The following EDAR variants were observed in gnomAD, a reference collection of about 807,000 sequenced individuals.
EDAR encodes ectodysplasin A receptor.
A neutral mutation model predicts 51.3 loss-of-function variants in EDAR; 38 were observed. The observed-to-expected ratio is 0.74, with a 90% CI of 0.57 to 0.97. The LOEUF (loss-of-function observed/expected upper bound fraction) is 0.97. Ranked by LOEUF, EDAR falls within the 50% of genes least tolerant of loss-of-function variation. EDAR has a pLI of 0.00. For synonymous variants in EDAR, 227 were observed against 242.1 expected (o/e 0.94, Z 0.58); for missense variants, 528 against 595.0 (o/e 0.89, Z 1.17).
At position 108,962,698 on chromosome 2, in the gene EDAR, A is replaced by AG. The variant is rs57804174; in HGVS notation, c.-19+26261_-19+26262insC. On this transcript the variant is annotated intron_variant, in intron 1 of 11. Coordinates refer to ENST00000258443, the MANE Select transcript of EDAR (RefSeq NM_022336.4). ...TCAAAAAAAAAAAAAAAAAAAAAAA[A>AG]AAAGAGAGAAAGGAATGCAATTCAA... 9.9e-3 allele frequency among the ~76,000 whole-genome samples: 1,252 copies of AG among 126,044 alleles called. 138 individuals are homozygous for AG. Among genetic ancestry groups the AG allele is most frequent in the African/African-American group, 0.034 (1,101 of 32,172 alleles). 82.7% of individuals were successfully genotyped at this position (126,044 alleles called of 152,430 possible).
At chr2:108,899,621 T>A (rs1696662929) in intron 11 of EDAR, among the ~76,000 whole-genome samples, 1 of 152,242 alleles carries the variant, frequency 6.6e-6, no homozygotes, top group Admixed American at 6.5e-5. Flanking sequence ...TTACAACTAC[T>A]GTAAACAGAG....
Position 108,896,800 on chromosome 2 carries a change from T to A in EDAR, c.*107A>T, listed in dbSNP as rs1696602810. 8.9e-7 allele frequency: 1 copy of A among 1,122,554 alleles called. No individual in the cohort carries two copies. Among genetic ancestry groups the A allele is most frequent in the Non-Finnish European group, 1.3e-6 (1 of 780,258 alleles). The allele number at this position is 1,122,554 out of a possible 1,614,324, so 69.5% of individuals were successfully genotyped here. A position where few individuals can be genotyped will look rare whatever the true frequency, so the allele number is the denominator to read the frequency against. ...GAACATCCTAAGGCATACGGTGACATATCACAAAAGCCTTGATTCTTGGCA... is the reference window on the plus strand; with the variant it reads ...GAACATCCTAAGGCATACGGTGACAAATCACAAAAGCCTTGATTCTTGGCA... On this transcript the variant is annotated 3_prime_UTR_variant, in exon 12 of 12. Coordinates refer to ENST00000258443, the MANE Select transcript of EDAR (RefSeq NM_022336.4).
chr2:108,978,002 A>G lies in EDAR; in HGVS notation c.-19+10958T>C, dbSNP rs1698355257. 2.6e-5 allele frequency among the ~76,000 whole-genome samples: 4 copies of G among 152,130 alleles called. No individual in the cohort carries two copies. In the South Asian group the frequency reaches 6.2e-4, roughly 24 times the overall value. On this transcript the variant is annotated intron_variant, in intron 1 of 11. Transcript: ENST00000258443. The stretch of plus-strand genomic sequence containing the variant: ...AGGGAGCTTCTATTCTCGTAGAGGA[A>G]CTCCAGCCAACTTCATCCACAGAAC...
intron 11 of EDAR, among the ~76,000 whole-genome samples, chr2:108,901,625 T>C (rs1226135101): frequency 6.6e-6 from 1 of 152,200 alleles, no homozygotes; most frequent in Non-Finnish European, 1.5e-5. Context: ...GATATCACTA[T>C]ACACACCATA....
At position 108,897,208 on chromosome 2, in the gene EDAR, G is replaced by T; in HGVS notation, c.1046C>A (p.Pro349Gln). The change falls in exon 12 of 12, where the codon CCA (proline) becomes CAA (glutamine). Residue 349 changes from proline (P) to glutamine (Q), a missense_variant. Physicochemically the swap from Pro to Gln is moderately conservative, Grantham distance 76 (BLOSUM62 -1). Coordinates refer to ENST00000258443, the MANE Select transcript of EDAR (RefSeq NM_022336.4). ...VVEGLSPTEL[P>Q]FDCLEKTSRM... Reference sequence around the variant, plus strand: ...GCTAGTCTTCTCGAGGCAATCAAATGGCAGCTCCGTGGGGCTAAGACCTAC... The same window carrying T: ...GCTAGTCTTCTCGAGGCAATCAAATTGCAGCTCCGTGGGGCTAAGACCTAC... 6.2e-7 allele frequency: 1 copy of T among 1,613,674 alleles called. No individual in the cohort carries two copies. Among genetic ancestry groups the T allele is most frequent in the South Asian group, 1.1e-5 (1 of 91,042 alleles).
At chr2:108,982,714 A>G (rs1178346896) in intron 1 of EDAR, among the ~76,000 whole-genome samples, 1 of 152,230 alleles carries the variant, frequency 6.6e-6, no homozygotes, top group East Asian at 1.9e-4. Flanking sequence ...AATTCTAGAG[A>G]AAGTTTGGTC....
At chr2:108,978,075 G>A (rs1344230283) in intron 1 of EDAR, among the ~76,000 whole-genome samples, 5 of 152,204 alleles carry the variant, frequency 3.3e-5, no homozygotes, top group Non-Finnish European at 7.3e-5. Context: ...AAATGGCACT[G>A]ACATAGGGAA....
chr2:108,964,759 G>C (rs774648534), intron 1 of EDAR, among the ~76,000 whole-genome samples: 34 of 152,208 alleles, frequency 2.2e-4, no homozygotes, highest in Non-Finnish European at 4.6e-4. Flanking sequence ...AGTGACAGCA[G>C]GCAGCAGCCC....
chr2:108,955,799 G>T (rs976974254), intron 1 of EDAR, among the ~76,000 whole-genome samples: 3 of 152,194 alleles, frequency 2.0e-5, no homozygotes, highest in African/African-American at 7.2e-5. Flanking sequence ...GGCCGAGGCG[G>T]GCAGACCACA....
chr2:108,932,265 A>T (rs2105451333), intron 1 of EDAR, among the ~76,000 whole-genome samples: 1 of 152,216 alleles, frequency 6.6e-6, no homozygotes, highest in East Asian at 1.9e-4. Flanking sequence ...GCGGTGGCTC[A>T]CACCTGTAAT....
At chr2:108,953,918 T>A (rs2104377837) in intron 1 of EDAR, among the ~76,000 whole-genome samples, 1 of 152,324 alleles carries the variant, frequency 6.6e-6, no homozygotes, top group East Asian at 1.9e-4. Flanking sequence ...TTTGAAATAA[T>A]GTTTTTCTAC....
At chr2:108,913,050 G>A (rs942221229) in intron 5 of EDAR, among the ~76,000 whole-genome samples, 3 of 151,186 alleles carry the variant, frequency 2.0e-5, no homozygotes, top group Admixed American at 1.3e-4. Context: ...CCTGGTTGAC[G>A]CCATTCTCCT....
chr2:108,953,556 T>C (rs1273281309), intron 1 of EDAR, among the ~76,000 whole-genome samples: 1 of 152,140 alleles, frequency 6.6e-6, no homozygotes, highest in African/African-American at 2.4e-5. Context: ...GTCCAATACC[T>C]GATGACAGTT....
At chr2:108,954,765 TC>T (rs1697888965) in intron 1 of EDAR, among the ~76,000 whole-genome samples, 1 of 151,536 alleles carries the variant, frequency 6.6e-6, no homozygotes, top group South Asian at 2.1e-4. Flanking sequence ...AACCTCCACC[TC>T]CCAGGTTCAA....
intron 2 of EDAR, 85 bp downstream of exon 2, chr2:108,930,879 C>T (rs1697354169): frequency 4.8e-6 from 7 of 1,451,428 alleles, no homozygotes; most frequent in African/African-American, 1.4e-5. Flanking sequence ...TCAGCATTCC[C>T]ATTTTACAGC....
At chr2:108,942,863 G>A (rs1191552185) in intron 1 of EDAR, among the ~76,000 whole-genome samples, 1 of 152,248 alleles carries the variant, frequency 6.6e-6, no homozygotes, top group East Asian at 1.9e-4. Flanking sequence ...TTAAGTTTGA[G>A]CGGGTAGGAT....
At chr2:108,988,691 C>T (rs2104501330) in intron 1 of EDAR, among the ~76,000 whole-genome samples, 1 of 152,292 alleles carries the variant, frequency 6.6e-6, no homozygotes, top group African/African-American at 2.4e-5. Flanking sequence ...ATCTTAAAGC[C>T]TGTGAAGCAC....
Position 108,948,599 on chromosome 2 carries a change from C to T in EDAR, c.-18-17567G>A, listed in dbSNP as rs141562616. On this transcript the variant is annotated intron_variant, in intron 1 of 11. Transcript: ENST00000258443. ...CAGAAGGCAAAGGGGAAGCAAGGCA[C>T]GTCTCACATGGTGGCAGGAGAGAGA... Among the ~76,000 whole-genome samples, 73 of 152,282 alleles carry T rather than the reference C, an allele frequency of 4.8e-4. No homozygotes were observed. In the East Asian group the frequency reaches 0.013, roughly 27 times the overall value.
At chr2:108,962,790 C>A (rs1268354052) in intron 1 of EDAR, among the ~76,000 whole-genome samples, 1 of 151,848 alleles carries the variant, frequency 6.6e-6, no homozygotes, top group East Asian at 1.9e-4. Flanking sequence ...TTTTCAAAAC[C>A]AACCGCAGTA....
Sources: gnomAD v4.1 joint callset for allele counts (sites outside exome capture counted in the v4.1 genomes callset) on GRCh38, gnomAD v4.1.1 for gene constraint, MANE v1.5 for transcripts, NCBI Gene and HGNC (gene_info 2026-07-23, HGNC 2026-07-21) for gene names.